The following TMEM131L variants were observed in gnomAD, a reference collection of about 807,000 sequenced individuals.
TMEM131L encodes transmembrane 131 like, also known as transmembrane protein 131-like.
Under a neutral mutation model 192.2 loss-of-function variants are expected in TMEM131L, and 54 were observed. That is an observed-to-expected ratio of 0.28 (90% confidence interval 0.23 to 0.35). TMEM131L has a LOEUF of 0.35. Among genes scored for constraint, TMEM131L ranks in the 10% least tolerant of loss-of-function variants. The pLI is 1.00. For missense variants in TMEM131L, 1,888 were observed against 1,972.9 expected (o/e 0.96, Z 0.82); for synonymous variants, 701 against 704.9 (o/e 0.99, Z 0.09).
intron 4 of TMEM131L, 31 bp downstream of exon 4, chr4:153,550,172 A>AG: frequency 4.4e-6 from 4 of 903,990 alleles, no homozygotes; most frequent in Non-Finnish European, 6.5e-6. Context: ...ATTAAAACTC[A>AG]TTTTATTTAT....
chr4:153,519,736 A>T (rs1160432327), intron 3 of TMEM131L, among the ~76,000 whole-genome samples: 1 of 152,238 alleles, frequency 6.6e-6, no homozygotes, highest in East Asian at 1.9e-4. Context: ...GGGTCAAGCT[A>T]GGCTGTAAGA....
At chr4:153,551,514 C>T (rs7666508) in intron 4 of TMEM131L, among the ~76,000 whole-genome samples, 66,951 of 151,926 alleles carry the variant, frequency 0.44, 18,423 homozygotes, top group African/African-American at 0.78. Flanking sequence ...CCCGCCACCA[C>T]GCCTGTAATT....
At chr4:153,618,435 C>CACT (rs945199053) in intron 26 of TMEM131L, among the ~76,000 whole-genome samples, 3 of 143,942 alleles carry the variant, frequency 2.1e-5, no homozygotes, top group African/African-American at 7.9e-5. Flanking sequence ...ATGATTGCCT[C>CACT]ACTGCACTCT....
At chr4:153,468,523 G>T (rs1345649221) in intron 2 of TMEM131L, among the ~76,000 whole-genome samples, 1 of 152,124 alleles carries the variant, frequency 6.6e-6, no homozygotes, top group Non-Finnish European at 1.5e-5. Context: ...ATAGAAATCC[G>T]TCGTATTCCT....
At chr4:153,528,966 A>C (rs1735699212) in intron 3 of TMEM131L, among the ~76,000 whole-genome samples, 1 of 152,004 alleles carries the variant, frequency 6.6e-6, no homozygotes, top group Non-Finnish European at 1.5e-5. Context: ...GGCCTCCGAG[A>C]GTTGTGGCCT....
chr4:153,507,664 C>A (rs1378205505), intron 3 of TMEM131L, among the ~76,000 whole-genome samples: 1 of 152,150 alleles, frequency 6.6e-6, no homozygotes, highest in African/African-American at 2.4e-5. Flanking sequence ...AAGTTTCTCC[C>A]ATTTGAGTGA....
rs190928695 is a variant in TMEM131L, at chr4:153,599,055, G to A, written c.2266+323G>A. ...CTGAAACTGGGTAATTTATGAACAA[G>A]AGTTTTAATTGGCTCATGGCTCTGC... On this transcript the variant is annotated intron_variant, in intron 21 of 34. Coordinates refer to ENST00000409959, the MANE Select transcript of TMEM131L (RefSeq NM_001131007.2). 1.8e-4 allele frequency among the ~76,000 whole-genome samples: 27 copies of A among 147,230 alleles called. No individual in the cohort carries two copies. In the East Asian group the frequency reaches 4.2e-3, roughly 23 times the overall value.
intron 3 of TMEM131L, among the ~76,000 whole-genome samples, chr4:153,531,425 C>T (rs1415234168): frequency 6.6e-6 from 1 of 152,210 alleles, no homozygotes; most frequent in African/African-American, 2.4e-5. Flanking sequence ...TATACCTTTT[C>T]TTGGATATAA....
At chr4:153,558,518 T>C (rs951861276) in intron 7 of TMEM131L, 150 bp downstream of exon 7, 1 of 471,592 alleles carries the variant, frequency 2.1e-6, no homozygotes, top group African/African-American at 1.9e-5. Flanking sequence ...ACCTAACTTC[T>C]TTTTAATGGC....
At chr4:153,473,964 A>AT (rs1554018310) in intron 3 of TMEM131L, 76 bp downstream of exon 3, 6 of 953,528 alleles carry the variant, frequency 6.3e-6, no homozygotes, top group Non-Finnish European at 9.6e-6. Flanking sequence ...AAGTCTCAGT[A>AT]TATGTCCATG....
chr4:153,473,802 G>T, intron 2 of TMEM131L, 43 bp from the exon 3 acceptor site: 1 of 1,510,364 alleles, frequency 6.6e-7, no homozygotes, highest in South Asian at 1.2e-5. Context: ...AAAAACAAAC[G>T]AACAAACAGA....
At chr4:153,494,408 GA>G (rs1328523561) in intron 3 of TMEM131L, among the ~76,000 whole-genome samples, 4 of 152,180 alleles carry the variant, frequency 2.6e-5, no homozygotes, top group African/African-American at 9.7e-5. Context: ...AGGTGTTTAT[GA>G]TACTTCTTTA....
At chr4:153,624,246 G>A (rs183721126) in intron 29 of TMEM131L, among the ~76,000 whole-genome samples, 2 of 152,028 alleles carry the variant, frequency 1.3e-5, no homozygotes, top group African/African-American at 4.8e-5. Context: ...AGCCTCCCAA[G>A]TAGCTGGGGT....
intron 7 of TMEM131L, among the ~76,000 whole-genome samples, chr4:153,573,018 G>T (rs1032613014): frequency 5.9e-5 from 9 of 152,178 alleles, no homozygotes; most frequent in Admixed American, 3.3e-4. Flanking sequence ...GTTCTCCCAT[G>T]TTATATAGCA....
At chr4:153,528,128 T>C (rs556129941) in intron 3 of TMEM131L, among the ~76,000 whole-genome samples, 2 of 152,354 alleles carry the variant, frequency 1.3e-5, no homozygotes, top group African/African-American at 4.8e-5. Flanking sequence ...TTATACATTT[T>C]GAAAGCCTCA....
At chr4:153,481,181 C>T (rs1358810889) in intron 3 of TMEM131L, among the ~76,000 whole-genome samples, 3 of 152,176 alleles carry the variant, frequency 2.0e-5, no homozygotes, top group African/African-American at 7.2e-5. Context: ...CTTCCCCAGC[C>T]ATCTCCCTCC....
chr4:153,487,302 A>G (rs713248), intron 3 of TMEM131L, among the ~76,000 whole-genome samples: 39,466 of 151,984 alleles, frequency 0.26, 5,452 homozygotes, highest in South Asian at 0.41. Flanking sequence ...CTGGCCCAGG[A>G]TTTTATCAAA....
At chr4:153,552,382 T>TA (rs948493132) in intron 4 of TMEM131L, among the ~76,000 whole-genome samples, 1 of 152,148 alleles carries the variant, frequency 6.6e-6, no homozygotes, top group Admixed American at 6.6e-5. Flanking sequence ...TTCAGTAACG[T>TA]AAAAAAATCC....
Position 153,626,264 on chromosome 4 carries a change from T to C in TMEM131L, c.4124+39T>C, listed in dbSNP as rs370067724. ...TTTCCAGCTTTTACAGTATGTTTTG[T>C]GTACTGCTTTTTCTACCAATTATTG... On this transcript the variant is annotated intron_variant, in intron 30 of 34. Coordinates refer to ENST00000409959, the MANE Select transcript of TMEM131L (RefSeq NM_001131007.2). 4.0e-6 allele frequency: 5 copies of C among 1,249,056 alleles called. No homozygotes were observed. In the African/African-American group the frequency reaches 7.4e-5, roughly 19 times the overall value. 77.4% of individuals were successfully genotyped at this position (1,249,056 alleles called of 1,614,324 possible).
Sources: allele counts gnomAD v4.1 joint callset (sites outside exome capture counted in the v4.1 genomes callset), GRCh38; gene constraint gnomAD v4.1.1; transcripts MANE v1.5; gene names NCBI Gene and HGNC (gene_info 2026-07-23, HGNC 2026-07-21).